Variants in SLC39A8 observed in about 807,000 individuals in gnomAD.
SLC39A8 encodes the protein solute carrier family 39 member 8, also known as metal cation symporter ZIP8.
In SLC39A8, 15 loss-of-function variants were observed where a neutral mutation model predicts 40.4. That is an observed-to-expected ratio of 0.37 (90% CI 0.25 to 0.57). The LOEUF (loss-of-function observed/expected upper bound fraction) is 0.57. Among genes scored for constraint, SLC39A8 ranks in the 20% least tolerant of loss-of-function variants. SLC39A8 has a pLI of 0.75. For synonymous variants in SLC39A8, 223 were observed against 221.6 expected (o/e 1.01, Z -0.06); for missense variants, 472 against 558.8 (o/e 0.84, Z 1.57).
chr4:102,307,625 G>A lies in SLC39A8; in HGVS notation c.383-20C>T. Reference sequence around the variant, plus strand: ...CCCAAACTGTGGGTCAGAGGGAAAAGAGAGTAGAAATTAATCAGAGCAAGG... The same window carrying A: ...CCCAAACTGTGGGTCAGAGGGAAAAAAGAGTAGAAATTAATCAGAGCAAGG... On this transcript the variant is annotated intron_variant, in intron 3 of 8. Transcript: ENST00000356736. 1.2e-6 allele frequency: 2 copies of A among 1,606,148 alleles called. No individual in the cohort carries two copies.
chr4:102,339,240 G>A (rs922729821), intron 2 of SLC39A8, among the ~76,000 whole-genome samples: 1 of 151,788 alleles, frequency 6.6e-6, no homozygotes, highest in African/African-American at 2.4e-5. Context: ...CCTCTGTCCT[G>A]CCCTTCCAGT....
chr4:102,323,800 G>A (rs533060140), intron 2 of SLC39A8, among the ~76,000 whole-genome samples: 15 of 152,326 alleles, frequency 9.8e-5, no homozygotes, highest in African/African-American at 3.1e-4. Context: ...TTGTAAGCCA[G>A]TATTCTGGCT....
rs552604261 is a variant in SLC39A8 at position 102,316,001 on chromosome 4, T to C, written c.220-171A>G. Among the ~76,000 whole-genome samples, 5 of 151,264 alleles carry C rather than the reference T, an allele frequency of 3.3e-5. No individual in the cohort carries two copies. The South Asian group carries it at 1.1e-3, about 32-fold the overall frequency. ...AAGTTGTAAAACAGCCCACACCAGT[T>C]TAAACCTAGAAACAAGAAAAATAGA... On this transcript the variant is annotated intron_variant, in intron 2 of 8. Coordinates refer to ENST00000356736, the MANE Select transcript of SLC39A8 (RefSeq NM_001135146.2).
At chr4:102,293,507 G>A (rs1276994851) in intron 6 of SLC39A8, among the ~76,000 whole-genome samples, 2 of 151,964 alleles carry the variant, frequency 1.3e-5, no homozygotes, top group Non-Finnish European at 2.9e-5. Flanking sequence ...ACAATACTGG[G>A]AGAATTCAGC....
chr4:102,312,271 C>A (rs61352680), intron 3 of SLC39A8, among the ~76,000 whole-genome samples: 190 of 152,130 alleles, frequency 1.2e-3, no homozygotes, highest in African/African-American at 4.4e-3. Flanking sequence ...CATATCTTCT[C>A]CCCCCGATCC....
intron 11 of SLC39A8, among the ~76,000 whole-genome samples, chr4:102,256,440 C>A (rs145207256): frequency 2.0e-5 from 3 of 152,090 alleles, no homozygotes; most frequent in Non-Finnish European, 4.4e-5. Flanking sequence ...TGCTTAAGGA[C>A]GTGTTGTTGG....
At chr4:102,322,781 G>A (rs1314808086) in intron 2 of SLC39A8, among the ~76,000 whole-genome samples, 1 of 152,134 alleles carries the variant, frequency 6.6e-6, no homozygotes, top group Non-Finnish European at 1.5e-5. Flanking sequence ...GAAAGTGCTA[G>A]GTGTGGTTGT....
intron 2 of SLC39A8, among the ~76,000 whole-genome samples, chr4:102,321,168 G>A (rs1006311512): frequency 9.2e-5 from 14 of 151,918 alleles, no homozygotes; most frequent in African/African-American, 3.4e-4. Flanking sequence ...AAACCAGAGA[G>A]GAAATTATAA....
chr4:102,307,968 A>C (rs1297492907), intron 3 of SLC39A8, among the ~76,000 whole-genome samples: 2 of 149,760 alleles, frequency 1.3e-5, no homozygotes, highest in African/African-American at 2.4e-5. Flanking sequence ...AGATTAAAAC[A>C]GCATTTTGAA....
At chr4:102,313,867 G>A (rs1578604701) in intron 3 of SLC39A8, among the ~76,000 whole-genome samples, 1 of 151,948 alleles carries the variant, frequency 6.6e-6, no homozygotes, top group Admixed American at 6.6e-5. Flanking sequence ...GGATTACAGG[G>A]ATGAGTCACC....
Position 102,262,957 on chromosome 4 carries a change from A to G in SLC39A8, c.*87T>C. On this transcript the variant is annotated 3_prime_UTR_variant, in exon 9 of 9. Coordinates refer to ENST00000356736, the MANE Select transcript of SLC39A8 (RefSeq NM_001135146.2). ...AGTTGAAAGCAAAATTATCTTTTTA[A>G]CTAAATAGGATCAGCTTCAAAATCC... 6.8e-7 allele frequency: 1 copy of G among 1,474,456 alleles called. No homozygotes were observed. The highest frequency in any genetic ancestry group is 1.5e-5 in the South Asian group (1 of 68,644). The allele number at this position is 1,474,456 out of a possible 1,614,324, so 91.3% of individuals were successfully genotyped here. A position where few individuals can be genotyped will look rare whatever the true frequency, so the allele number is the denominator to read the frequency against.
At chr4:102,277,275 A>C (rs935902923) in intron 6 of SLC39A8, among the ~76,000 whole-genome samples, 82 of 152,370 alleles carry the variant, frequency 5.4e-4, no homozygotes, top group African/African-American at 1.9e-3. Flanking sequence ...TAAGCTGCTA[A>C]GCAACTTCAG....
intron 6 of SLC39A8, among the ~76,000 whole-genome samples, chr4:102,300,984 T>C (rs978475440): frequency 3.9e-5 from 6 of 152,022 alleles, no homozygotes; most frequent in African/African-American, 1.4e-4. Context: ...TTTGAGACTA[T>C]ACCTTCAACC....
intron 6 of SLC39A8, among the ~76,000 whole-genome samples, chr4:102,287,274 G>A (rs1457111922): frequency 6.6e-6 from 1 of 152,012 alleles, no homozygotes; most frequent in African/African-American, 2.4e-5. Context: ...GTTGCAACAG[G>A]TAATGGGCTT....
chr4:102,252,872 T>C (rs1364583436), exon 12 of SLC39A8: 2 of 151,728 alleles, frequency 1.3e-5, no homozygotes, highest in African/African-American at 4.8e-5. Flanking sequence ...GGTTCCTTCT[T>C]AGGGCTGCGA....
At chr4:102,326,730 G>GGGTC (rs913183105) in intron 2 of SLC39A8, among the ~76,000 whole-genome samples, 127 of 152,028 alleles carry the variant, frequency 8.4e-4, no homozygotes, top group African/African-American at 3.0e-3. Context: ...GAGTACAAGG[G>GGGTC]GGTCCTGAGA....
At chr4:102,285,628 G>GGTGTGTGTGT (rs59048258) in intron 6 of SLC39A8, among the ~76,000 whole-genome samples, 13 of 150,064 alleles carry the variant, frequency 8.7e-5, no homozygotes, top group South Asian at 2.1e-4. Context: ...TATAGATGAG[G>GGTGTGTGTGT]GTGTGTGTGT....
Position 102,262,669 on chromosome 4 carries a change from G to T in SLC39A8, c.*375C>A, listed in dbSNP as rs972137886. 46 of 992,200 alleles carry T rather than the reference G, an allele frequency of 4.6e-5. No individual in the cohort carries two copies. The highest frequency in any genetic ancestry group is 5.3e-5 in the Non-Finnish European group (44 of 834,708). The allele number at this position is 992,200 out of a possible 1,614,324, so 61.5% of individuals were successfully genotyped here. A position where few individuals can be genotyped will look rare whatever the true frequency, so the allele number is the denominator to read the frequency against. On this transcript the variant is annotated 3_prime_UTR_variant, in exon 9 of 9. Transcript: ENST00000356736. The stretch of plus-strand genomic sequence containing the variant: ...CCTCTCTGAAACCATTTGAATCTTT[G>T]ATCCTACCATAGAGTTTTAAAGGCT...
At chr4:102,297,484 CTTT>C (rs1172389497) in intron 6 of SLC39A8, among the ~76,000 whole-genome samples, 4 of 152,124 alleles carry the variant, frequency 2.6e-5, no homozygotes, top group Admixed American at 1.3e-4. Context: ...ATTAGCCAAT[CTTT>C]AGAAAAGTTG....
Sources: allele counts gnomAD v4.1 joint callset (sites outside exome capture counted in the v4.1 genomes callset), GRCh38; gene constraint gnomAD v4.1.1; transcripts MANE v1.5; gene names NCBI Gene and HGNC (gene_info 2026-07-23, HGNC 2026-07-21).